Variants in TBC1D31 observed in about 807,000 individuals in gnomAD.
TBC1D31 encodes WD repeat domain 67.
Under a neutral mutation model 132.9 loss-of-function variants are expected in TBC1D31, and 99 were observed. The ratio of observed to expected loss-of-function variants is 0.74; its 90% CI spans 0.63 to 0.88. The LOEUF is 0.88. Among genes scored for constraint, TBC1D31 ranks in the 40% least tolerant of loss-of-function variants. The probability of loss-of-function intolerance (pLI) is 0.00; values close to 1 mark genes in which losing one functional copy is unlikely to be tolerated. For synonymous variants in TBC1D31, 385 were observed against 419.4 expected (o/e 0.92, Z 1.00); for missense variants, 1,134 against 1,256.6 (o/e 0.90, Z 1.48).
intron 17 of TBC1D31, among the ~76,000 whole-genome samples, chr8:123,139,665 A>G (rs1011458639): frequency 6.6e-6 from 1 of 151,736 alleles, no homozygotes; most frequent in African/African-American, 2.4e-5. Context: ...CTGTGGTCTG[A>G]GAACACAGCC....
At chr8:123,097,150 C>T in intron 5 of TBC1D31, 132 bp from the exon 6 acceptor site, 2 of 792,368 alleles carry the variant, frequency 2.5e-6, no homozygotes, top group Non-Finnish European at 3.8e-6. Context: ...GCTCAATAAT[C>T]ACATGGGACT....
chr8:123,080,630 T>C (rs1403285436), intron 2 of TBC1D31, among the ~76,000 whole-genome samples: 1 of 144,146 alleles, frequency 6.9e-6, no homozygotes, highest in Non-Finnish European at 1.5e-5. Flanking sequence ...CTCTGCCTCC[T>C]GGTTTAAGCA....
chr8:123,095,036 T>A (rs1816718837), intron 5 of TBC1D31, among the ~76,000 whole-genome samples: 2 of 152,214 alleles, frequency 1.3e-5, no homozygotes. Flanking sequence ...ATTCATTAAA[T>A]AACTGGTCAT....
intron 7 of TBC1D31, 183 bp downstream of exon 7, chr8:123,101,190 T>A (rs559055207): frequency 2.0e-6 from 1 of 497,342 alleles, no homozygotes; most frequent in Admixed American, 3.3e-5. Flanking sequence ...GTATGCTCCA[T>A]TCTTAAATTG....
At chr8:123,151,736 A>C in intron 21 of TBC1D31, 70 bp from the exon 22 acceptor site, 1 of 1,403,422 alleles carries the variant, frequency 7.1e-7, no homozygotes, top group East Asian at 2.7e-5. Context: ...ATTTATCTTT[A>C]AAATAAATGC....
At position 123,109,482 on chromosome 8, in the gene TBC1D31, T is replaced by C; in HGVS notation, c.1298T>C (p.Ile433Thr). ...ATATATTTTTATTTCAGAATGTTCA[T>C]TTGGCGCTCTCTGCTACAACTGCCT... ...GEYPTKYRMF[I>T]WRSLLQLPEN... The change falls in exon 10 of 22, where the codon ATT (isoleucine) becomes ACT (threonine). Residue 433 changes from isoleucine to threonine, a missense_variant. Coordinates refer to ENST00000287380, the MANE Select transcript of TBC1D31 (RefSeq NM_145647.4). 1 of 1,613,080 alleles carries C rather than the reference T, an allele frequency of 6.2e-7. No individual in the cohort carries two copies. The highest frequency in any genetic ancestry group is 8.5e-7 in the Non-Finnish European group (1 of 1,179,670).
chr8:123,119,205 A>C (rs1819239712), intron 10 of TBC1D31, among the ~76,000 whole-genome samples: 1 of 152,208 alleles, frequency 6.6e-6, no homozygotes, highest in Admixed American at 6.5e-5. Flanking sequence ...ATAGGAACGT[A>C]AATAGACACT....
At chr8:123,123,731 A>T (rs1819717372) in intron 11 of TBC1D31, 1 of 152,308 alleles carries the variant, frequency 6.6e-6, no homozygotes, top group South Asian at 2.1e-4. Context: ...TAGAGCACTT[A>T]ACAGTCCTGT....
chr8:123,155,081 C>T (rs538674121), downstream of TBC1D31, among the ~76,000 whole-genome samples: 2 of 152,262 alleles, frequency 1.3e-5, no homozygotes, highest in Admixed American at 1.3e-4. The surrounding 1 kb of genome is among the most constrained non-coding windows in gnomAD (Gnocchi z 4.1). Flanking sequence ...GGAATGTGGA[C>T]TCAATGTTGG....
chr8:123,122,646 T>C (rs1819610240), intron 11 of TBC1D31, among the ~76,000 whole-genome samples: 1 of 152,342 alleles, frequency 6.6e-6, no homozygotes, highest in South Asian at 2.1e-4. Context: ...TAACCCTGAA[T>C]GGGATTAATA....
intron 4 of TBC1D31, among the ~76,000 whole-genome samples, chr8:123,090,731 T>C (rs1414188687): frequency 6.6e-6 from 1 of 152,036 alleles, no homozygotes; most frequent in Non-Finnish European, 1.5e-5. Flanking sequence ...TCAGGAGTTC[T>C]AGACCAGCCT....
chr8:123,161,830 A>G, the TBC1D31 span, among the ~76,000 whole-genome samples: 14 of 152,126 alleles, frequency 9.2e-5, no homozygotes, highest in Middle Eastern at 3.4e-3. Context: ...CAGCCTGGCC[A>G]ACATGGTGAA....
chr8:123,078,574 G>T (rs952225892), intron 2 of TBC1D31, among the ~76,000 whole-genome samples: 2 of 152,118 alleles, frequency 1.3e-5, no homozygotes, highest in African/African-American at 4.8e-5. Flanking sequence ...CTACTAAAAA[G>T]AATCAAGGAT....
intron 6 of TBC1D31, 30 bp from the exon 7 acceptor site, chr8:123,100,775 GTT>G (rs748388799): frequency 6.4e-7 from 1 of 1,558,582 alleles, no homozygotes; most frequent in Non-Finnish European, 8.8e-7. Context: ...ACTATCACAT[GTT>G]TTTAGGAATT....
downstream of TBC1D31, among the ~76,000 whole-genome samples, chr8:123,155,092 C>G (rs895868878): frequency 6.6e-6 from 1 of 152,120 alleles, no homozygotes; most frequent in African/African-American, 2.4e-5. This position sits in a 1 kb window ranked among gnomAD's most constrained non-coding sequence, Gnocchi z 4.1. Context: ...TCAATGTTGG[C>G]CTCTATCTAA....
At chr8:123,085,729 G>C (rs1009852125) in intron 4 of TBC1D31, among the ~76,000 whole-genome samples, 3 of 152,132 alleles carry the variant, frequency 2.0e-5, no homozygotes, top group African/African-American at 7.2e-5. Context: ...TAATGTTTTT[G>C]AGATCCATCC....
chr8:123,138,244 TG>T (rs1341727608), intron 17 of TBC1D31, among the ~76,000 whole-genome samples: 1 of 152,256 alleles, frequency 6.6e-6, no homozygotes, highest in Non-Finnish European at 1.5e-5. Flanking sequence ...TAACTGTCAT[TG>T]GTAGTGGCTG....
In TBC1D31 at chr8:123,097,375, C is replaced by A. The variant is rs1365016444; in HGVS notation, c.765C>A (p.Pro255=). ...AGCTCTTTAGAATTATCCAGATGCC[C>A]ACTAAAGTTCGAGCCATTCGCCATC... is the stretch of plus-strand genomic sequence containing the variant. The part of the protein sequence containing the change: ...ARQLFRIIQM[P]TKVRAIRHLE... The change falls in exon 6 of 22, where the codon CCC becomes CCA. Residue 255 remains proline, a synonymous_variant. Coordinates refer to ENST00000287380, the MANE Select transcript of TBC1D31 (RefSeq NM_145647.4). 1.9e-6 allele frequency: 3 copies of A among 1,614,102 alleles called. No individual in the cohort carries two copies. The highest frequency in any genetic ancestry group is 2.5e-6 in the Non-Finnish European group (3 of 1,180,002).
the TBC1D31 span, among the ~76,000 whole-genome samples, chr8:123,158,361 C>T: frequency 6.6e-6 from 1 of 152,096 alleles, no homozygotes; most frequent in Non-Finnish European, 1.5e-5. Flanking sequence ...TACATTTATA[C>T]GGCGTTTATA....
Sources: gnomAD v4.1 joint callset for allele counts (sites outside exome capture counted in the v4.1 genomes callset) on GRCh38, gnomAD v4.1.1 for gene constraint, Gnocchi (gnomAD v3.1) non-coding constraint, MANE v1.5 for transcripts, NCBI Gene and HGNC (gene_info 2026-07-23, HGNC 2026-07-21) for gene names.